Variants in CDS2 observed in about 807,000 individuals in gnomAD.
CDS2 encodes phosphatidate cytidylyltransferase 2.
Under a neutral mutation model 59.0 loss-of-function variants are expected in CDS2, and 47 were observed. The observed-to-expected ratio is 0.80, with a 90% CI of 0.63 to 1.02. CDS2 has a LOEUF of 1.02. CDS2 is among the 50% of genes least tolerant of loss of function. The probability of loss-of-function intolerance (pLI) is 0.00; values close to 1 mark genes in which losing one functional copy is unlikely to be tolerated. For synonymous variants in CDS2, 207 were observed against 206.4 expected (o/e 1.00, Z -0.02); for missense variants, 356 against 558.9 (o/e 0.64, Z 3.66).
intron 1 of CDS2, among the ~76,000 whole-genome samples, 176 bp downstream of exon 1, chr20:5,127,325 AG>A (rs1165863037): frequency 6.6e-6 from 1 of 151,914 alleles, no homozygotes; most frequent in East Asian, 2.0e-4. Flanking sequence ...CGCGCGCGTC[AG>A]GGGTCGGCGG....
At chr20:5,150,721 G>T (rs996871599) in intron 1 of CDS2, among the ~76,000 whole-genome samples, 1 of 152,134 alleles carries the variant, frequency 6.6e-6, no homozygotes, top group African/African-American at 2.4e-5. Flanking sequence ...CATTCCTGAC[G>T]CTCCCACCCC....
At chr20:5,145,245 CCCG>C (rs1695966198) in intron 1 of CDS2, among the ~76,000 whole-genome samples, 5 of 115,880 alleles carry the variant, frequency 4.3e-5, no homozygotes, top group African/African-American at 1.3e-4. Context: ...GACCCCCCCC[CCCG>C]CCCCCGCCAC....
At chr20:5,164,460 G>T (rs79881570) in intron 1 of CDS2, among the ~76,000 whole-genome samples, 2 of 151,998 alleles carry the variant, frequency 1.3e-5, no homozygotes. Flanking sequence ...GGGGCTCGTC[G>T]CATGTGGAGC....
chr20:5,188,687 C>T (rs1000494754), intron 10 of CDS2, among the ~76,000 whole-genome samples: 4 of 152,170 alleles, frequency 2.6e-5, no homozygotes, highest in Non-Finnish European at 4.4e-5. Flanking sequence ...TTTCTGCAGG[C>T]TGAGAAGTGT....
intron 1 of CDS2, among the ~76,000 whole-genome samples, chr20:5,140,856 G>T (rs530527193): frequency 2.5e-4 from 38 of 152,322 alleles, no homozygotes; most frequent in African/African-American, 8.2e-4. Context: ...CTAGTTCTAA[G>T]TGCTGGTTTA....
At chr20:5,127,245 C>T in intron 1 of CDS2, 96 bp downstream of exon 1, 1 of 1,135,076 alleles carries the variant, frequency 8.8e-7, no homozygotes, top group Non-Finnish European at 1.2e-6. Context: ...TTCTCTGACC[C>T]TTTGTCGCAG....
chr20:5,190,323 G>A lies in CDS2; in HGVS notation c.*89G>A. The A allele has an allele frequency of 3.1e-6, 4 of 1,284,878 alleles. No homozygotes were observed. The highest frequency in any genetic ancestry group is 1.6e-5 in the South Asian group (1 of 60,890). 79.6% of individuals were successfully genotyped at this position (1,284,878 alleles called of 1,614,324 possible). A position where few individuals can be genotyped will look rare whatever the true frequency, so the allele number is the denominator to read the frequency against. ...CAGCTGGTGTGACTTAGACAATGAC[G>A]AGGCTTCAACTCACTGTCTTTTTTT... On this transcript the variant is annotated 3_prime_UTR_variant, in exon 13 of 13. Transcript: ENST00000460006.
chr20:5,188,279 A>G (rs2091085400), intron 10 of CDS2, among the ~76,000 whole-genome samples: 1 of 152,248 alleles, frequency 6.6e-6, no homozygotes, highest in South Asian at 2.1e-4. Context: ...AACAAAGTCC[A>G]TTGATAGAAT....
At chr20:5,176,595 A>G (rs1418162643) in intron 3 of CDS2, 53 bp from the exon 4 acceptor site, 1 of 1,445,512 alleles carries the variant, frequency 6.9e-7, no homozygotes, top group Non-Finnish European at 9.7e-7. Context: ...GTTGGTTTCC[A>G]TTTCCAAAAA....
At chr20:5,134,904 A>G (rs2090636404) in intron 1 of CDS2, among the ~76,000 whole-genome samples, 1 of 152,226 alleles carries the variant, frequency 6.6e-6, no homozygotes, top group African/African-American at 2.4e-5. Context: ...ACTTGATAAA[A>G]TCATTCAGAA....
intron 1 of CDS2, among the ~76,000 whole-genome samples, chr20:5,133,548 C>T (rs6053139): frequency 0.035 from 5,312 of 150,922 alleles, 313 homozygotes; most frequent in African/African-American, 0.12. Context: ...TTTTTTGAGA[C>T]GAAGTTTCGC....
intron 1 of CDS2, 50 bp from the exon 2 acceptor site, chr20:5,173,473 G>T: frequency 6.2e-7 from 1 of 1,607,360 alleles, no homozygotes; most frequent in East Asian, 2.2e-5. Context: ...CTTCTCAATG[G>T]TCTACTCGGC....
intron 1 of CDS2, among the ~76,000 whole-genome samples, chr20:5,163,623 T>G (rs1323863598): frequency 6.6e-6 from 1 of 152,184 alleles, no homozygotes; most frequent in East Asian, 1.9e-4. Flanking sequence ...TTTAAATCAC[T>G]TTTTGTTTAT....
At position 5,175,122 on chromosome 20, in the gene CDS2, G is replaced by T. The variant is rs1426820073; in HGVS notation, c.195-61G>T. 6 of 1,185,658 alleles carry T rather than the reference G, an allele frequency of 5.1e-6. No individual in the cohort carries two copies. In the African/African-American group the frequency reaches 7.5e-5, roughly 15 times the overall value. 73.4% of individuals were successfully genotyped at this position (1,185,658 alleles called of 1,614,324 possible). On this transcript the variant is annotated intron_variant, in intron 2 of 12. Transcript: ENST00000460006. ...GAAGATCCATATCCCTTGAGTTTGT[G>T]CATTGGTTTTTTTCTGGGCTCCTAA...
At chr20:5,168,347 G>A (rs1036593940) in intron 1 of CDS2, among the ~76,000 whole-genome samples, 2 of 150,938 alleles carry the variant, frequency 1.3e-5, no homozygotes, top group Non-Finnish European at 3.0e-5. Context: ...CCCGGGAGGT[G>A]GAGGCTGCAG....
At chr20:5,162,000 G>C (rs763296872) in intron 1 of CDS2, among the ~76,000 whole-genome samples, 13 of 152,192 alleles carry the variant, frequency 8.5e-5, no homozygotes, top group Non-Finnish European at 1.9e-4. Context: ...CAGTCAAGGT[G>C]CACATTGCCT....
At chr20:5,161,624 G>A (rs1360289864) in intron 1 of CDS2, among the ~76,000 whole-genome samples, 1 of 152,194 alleles carries the variant, frequency 6.6e-6, no homozygotes, top group African/African-American at 2.4e-5. Context: ...GCTGCACGGT[G>A]TTTATAGTAG....
chr20:5,133,135 A>G (rs1364710912), intron 1 of CDS2, among the ~76,000 whole-genome samples: 2 of 152,194 alleles, frequency 1.3e-5, no homozygotes, highest in Non-Finnish European at 2.9e-5. Context: ...AGATCCCACC[A>G]CTGCACTCCA....
chr20:5,134,508 G>A (rs1203348985), intron 1 of CDS2, among the ~76,000 whole-genome samples: 2 of 151,988 alleles, frequency 1.3e-5, no homozygotes, highest in Non-Finnish European at 2.9e-5. Context: ...ATATTTAAGA[G>A]TTTTATTTTT....
Sources: allele counts gnomAD v4.1 joint callset (sites outside exome capture counted in the v4.1 genomes callset), GRCh38; gene constraint gnomAD v4.1.1; transcripts MANE v1.5; gene names NCBI Gene and HGNC (gene_info 2026-07-23, HGNC 2026-07-21).